Variants in SPATA13 observed in about 807,000 individuals in gnomAD.
SPATA13 encodes the protein spermatogenesis associated 13.
SPATA13 carries 50 observed loss-of-function variants against 104.0 expected under a neutral mutation model. That is an observed-to-expected ratio of 0.48 (90% CI 0.38 to 0.61). SPATA13 has a LOEUF of 0.61. Among genes scored for constraint, SPATA13 ranks in the 20% least tolerant of loss-of-function variants. The probability of loss-of-function intolerance (pLI) is 0.00; values close to 1 mark genes in which losing one functional copy is unlikely to be tolerated. For synonymous variants in SPATA13, 606 were observed against 667.5 expected (o/e 0.91, Z 1.42); for missense variants, 1,524 against 1,690.6 (o/e 0.90, Z 1.73).
intron 3 of SPATA13, among the ~76,000 whole-genome samples, chr13:24,080,200 C>A (rs1467371706): frequency 6.6e-6 from 1 of 152,214 alleles, no homozygotes; most frequent in Non-Finnish European, 1.5e-5. Context: ...AAGGATTCTT[C>A]TCCTTCACAT....
chr13:24,193,898 C>T (rs890528911), intron 1 of SPATA13, among the ~76,000 whole-genome samples: 8 of 152,086 alleles, frequency 5.3e-5, no homozygotes, highest in African/African-American at 1.9e-4. Context: ...CCCAGAAGAT[C>T]AGTAATTGGG....
intron 4 of SPATA13, chr13:24,270,988 T>G: frequency 9.7e-7 from 1 of 1,035,312 alleles, no homozygotes; most frequent in African/African-American, 1.7e-5. Context: ...GTTGCAGTTC[T>G]TCCCCTCTCT....
At chr13:24,292,971 G>A (rs1248173105) in intron 9 of SPATA13, among the ~76,000 whole-genome samples, 3 of 141,052 alleles carry the variant, frequency 2.1e-5, no homozygotes, top group African/African-American at 8.1e-5. Context: ...ACTCCAGCCT[G>A]GGTGACAGAG....
intron 3 of SPATA13, among the ~76,000 whole-genome samples, chr13:24,096,665 T>C (rs1489815265): frequency 6.6e-6 from 1 of 151,704 alleles, no homozygotes; most frequent in African/African-American, 2.4e-5. Context: ...TAGGATGAAG[T>C]GAGAAATTCA....
At chr13:24,191,697 A>G (rs142586696) in intron 1 of SPATA13, among the ~76,000 whole-genome samples, 1,536 of 151,652 alleles carry the variant, frequency 0.01, 28 homozygotes, top group African/African-American at 0.035. Context: ...TTTTTAGTAG[A>G]GACAGGGTTT....
intron 3 of SPATA13, among the ~76,000 whole-genome samples, chr13:24,097,938 T>A (rs1880134806): frequency 6.6e-6 from 1 of 152,156 alleles, no homozygotes; most frequent in African/African-American, 2.4e-5. Flanking sequence ...AGTTTCAGAA[T>A]AAGCCACTGT....
intron 11 of SPATA13, among the ~76,000 whole-genome samples, chr13:24,299,680 T>G (rs1877044693): frequency 6.6e-6 from 1 of 152,164 alleles, no homozygotes; most frequent in Non-Finnish European, 1.5e-5. Context: ...CTGGGTCAGC[T>G]CTGCCAAGCT....
intron 3 of SPATA13, among the ~76,000 whole-genome samples, chr13:24,155,420 TAAATC>T (rs1190305827): frequency 6.6e-6 from 1 of 152,096 alleles, no homozygotes; most frequent in Non-Finnish European, 1.5e-5. Context: ...GTTACTCAAT[TAAATC>T]AAAGAGAATA....
Position 24,004,612 on chromosome 13 carries a change from C to G in SPATA13, c.-146-13055C>G, listed in dbSNP as rs118087919. Among the ~76,000 whole-genome samples the G allele has an allele frequency of 8.5e-3, 1,287 of 152,258 alleles. 21 individuals are homozygous for G. Among genetic ancestry groups the G allele is most frequent in the East Asian group, 0.068 (352 of 5,184 alleles). ...GTGTCCTGGAGCTGGCTGTGGGCAA[C>G]AGACCCTGCCCCAGGAAGACGCAGG... On this transcript the variant is annotated intron_variant, in intron 2 of 14. Transcript: ENST00000424834.
intron 3 of SPATA13, among the ~76,000 whole-genome samples, chr13:24,148,948 A>C (rs1345940793): frequency 6.6e-6 from 1 of 152,214 alleles, no homozygotes; most frequent in Non-Finnish European, 1.5e-5. Context: ...TCTCCTATGC[A>C]TGCCACATGA....
chr13:24,134,503 G>A (rs1220359589), intron 3 of SPATA13, among the ~76,000 whole-genome samples: 1 of 152,190 alleles, frequency 6.6e-6, no homozygotes, highest in Non-Finnish European at 1.5e-5. Flanking sequence ...GGCAGCTTAA[G>A]CCAGGCCTGG....
chr13:24,124,991 C>T lies in SPATA13; in HGVS notation c.-111-97828C>T, dbSNP rs1054981499. Among the ~76,000 whole-genome samples the T allele has an allele frequency of 5.3e-5, 8 of 152,274 alleles. No homozygotes were observed. In the East Asian group the frequency reaches 7.7e-4, roughly 15 times the overall value. On this transcript the variant is annotated intron_variant, in intron 3 of 14. Coordinates refer to the SPATA13 transcript ENST00000424834. ...CTGAAACTCATTCATAGGGTCAGAG[C>T]GGGTGGTGGCAGACAGGAAACATTA...
intron 1 of SPATA13, among the ~76,000 whole-genome samples, chr13:24,167,274 C>T (rs1163921582): frequency 1.3e-5 from 2 of 152,176 alleles, no homozygotes; most frequent in African/African-American, 2.4e-5. Flanking sequence ...GTGGTGGTGG[C>T]ACCACGTCTG....
chr13:24,257,920 G>A (rs1873868997), intron 4 of SPATA13, among the ~76,000 whole-genome samples: 1 of 152,170 alleles, frequency 6.6e-6, no homozygotes, highest in Admixed American at 6.5e-5. Flanking sequence ...GCCCATCTGA[G>A]CTGGCCAGTG....
chr13:24,039,855 A>G (rs1877848205), intron 3 of SPATA13, among the ~76,000 whole-genome samples: 1 of 152,176 alleles, frequency 6.6e-6, no homozygotes, highest in Non-Finnish European at 1.5e-5. Flanking sequence ...AGGAAAGCAC[A>G]CTTTCAGTTA....
chr13:24,239,159 C>A (rs959909728), intron 2 of SPATA13, among the ~76,000 whole-genome samples: 3 of 152,136 alleles, frequency 2.0e-5, no homozygotes, highest in African/African-American at 7.2e-5. Context: ...AAAACACTTT[C>A]AGAATAGGAT....
At chr13:24,246,396 G>A (rs1365616618) in intron 2 of SPATA13, among the ~76,000 whole-genome samples, 5 of 151,920 alleles carry the variant, frequency 3.3e-5, no homozygotes, top group Non-Finnish European at 2.9e-5. Flanking sequence ...GTGGTGTTGG[G>A]GAGGAAAAAA....
At chr13:24,285,707 G>A (rs1181602024) in intron 5 of SPATA13, among the ~76,000 whole-genome samples, 1 of 143,606 alleles carries the variant, frequency 7.0e-6, no homozygotes, top group Non-Finnish European at 1.5e-5. Context: ...TTGAGACAGA[G>A]TTTTGCTCTT....
rs187544667 is a variant in SPATA13, at chr13:24,142,661, C to A, written c.-111-80158C>A. 2.2e-3 allele frequency among the ~76,000 whole-genome samples: 328 copies of A among 152,246 alleles called. 3 individuals are homozygous for A. The highest frequency in any genetic ancestry group is 1.2e-3 in the Non-Finnish European group (80 of 68,008). ...ACTTTTTTCCTCCTCCCCCTTTCCTCTTCCTCATCCTTCTTCCTCTTCCTC... is the reference window on the plus strand; with the variant it reads ...ACTTTTTTCCTCCTCCCCCTTTCCTATTCCTCATCCTTCTTCCTCTTCCTC... On this transcript the variant is annotated intron_variant, in intron 3 of 14. Transcript: ENST00000424834.
Sources: allele counts gnomAD v4.1 joint callset (sites outside exome capture counted in the v4.1 genomes callset), GRCh38; gene constraint gnomAD v4.1.1; transcripts MANE v1.5; gene names NCBI Gene and HGNC (gene_info 2026-07-23, HGNC 2026-07-21).